The following PCDHA8 variants were observed in gnomAD, a reference collection of about 807,000 sequenced individuals.
The protein encoded by PCDHA8 is protocadherin alpha 8.
PCDHA8 carries 53 observed loss-of-function variants against 61.8 expected under a neutral mutation model. The observed-to-expected ratio is 0.86, with a 90% confidence interval of 0.69 to 1.08. PCDHA8 has a LOEUF of 1.08. Ranked by LOEUF, PCDHA8 falls within the 50% of genes least tolerant of loss-of-function variation. The pLI, the probability that PCDHA8 is intolerant of heterozygous loss-of-function variation, is 0.00. For missense variants in PCDHA8, 1,293 were observed against 1,245.0 expected (o/e 1.04, Z -0.58); for synonymous variants, 618 against 556.6 (o/e 1.11, Z -1.55).
rs911070094 is a variant in PCDHA8, at chr5:141,009,570, G to A, written c.2543-57G>A. On this transcript the variant is annotated intron_variant, in intron 3 of 3. Coordinates refer to ENST00000531613, the MANE Select transcript of PCDHA8 (RefSeq NM_018911.3). ...AGTACTCCTGTACTCTACCAGCAGT[G>A]TGGCATCAAGAGCATGTGTTGACCC... The A allele has an allele frequency of 1.9e-6, 3 of 1,577,968 alleles. No homozygotes were observed. In the Admixed American group the frequency reaches 5.2e-5, roughly 28 times the overall value.
At chr5:140,976,298 C>A (rs2096709941) in intron 1 of PCDHA8, among the ~76,000 whole-genome samples, 1 of 152,036 alleles carries the variant, frequency 6.6e-6, no homozygotes, top group African/African-American at 2.4e-5. Context: ...AGCCTGTAAT[C>A]CCAGCACTTT....
intron 1 of PCDHA8, among the ~76,000 whole-genome samples, chr5:140,933,012 A>G (rs1554209160): frequency 6.6e-6 from 1 of 152,008 alleles, no homozygotes; most frequent in Middle Eastern, 3.2e-3. Flanking sequence ...CGGAAATATT[A>G]ACACTTGGCA....
rs148598290 is a variant in PCDHA8, at chr5:140,857,464, C to G, written c.2394+13749C>G. 181 of 1,598,526 alleles carry G rather than the reference C, an allele frequency of 1.1e-4. 14 individuals carry two copies. Among genetic ancestry groups the G allele is most frequent in the Non-Finnish European group, 1.1e-4 (129 of 1,167,932 alleles). On this transcript the variant is annotated intron_variant, in intron 1 of 3. Transcript: ENST00000531613. ...AGGAGAACAACCCGCCAGGCTGCCA[C>G]ATCTTCACGGTGTCTGCGTGGGACG...
chr5:140,884,721 T>C, intron 1 of PCDHA8: 1 of 1,464,684 alleles, frequency 6.8e-7, no homozygotes, highest in South Asian at 1.5e-5. Flanking sequence ...TTGCAGTTGT[T>C]TGTTTAAGAC....
At chr5:140,858,274 G>C (rs376781836) in intron 1 of PCDHA8, 1 of 1,597,298 alleles carries the variant, frequency 6.3e-7, no homozygotes, top group African/African-American at 1.3e-5. Flanking sequence ...GCTCTAGCGC[G>C]GTGGGGAGCT....
intron 1 of PCDHA8, chr5:140,969,308 A>G (rs782412499): frequency 1.9e-6 from 3 of 1,614,196 alleles, no homozygotes; most frequent in Middle Eastern, 3.3e-4. Context: ...TATTCTCAAA[A>G]ATGAGGCTGT....
chr5:140,929,352 C>T (rs782815841), intron 1 of PCDHA8: 8 of 1,526,758 alleles, frequency 5.2e-6, no homozygotes, highest in Admixed American at 2.1e-5. Flanking sequence ...GAATTTGATT[C>T]CTTTGGCCCG....
At chr5:141,001,624 CG>C (rs1335079944) in intron 3 of PCDHA8, among the ~76,000 whole-genome samples, 1 of 151,678 alleles carries the variant, frequency 6.6e-6, no homozygotes, top group African/African-American at 2.4e-5. Context: ...AAAGGACTGG[CG>C]GGGGTTGGGG....
intron 1 of PCDHA8, chr5:140,869,887 C>A: frequency 1.9e-6 from 3 of 1,610,174 alleles, no homozygotes; most frequent in Non-Finnish European, 2.5e-6. Context: ...AACTCTTGTG[C>A]TCAAACTAAA....
At chr5:140,900,695 C>T (rs889860103) in intron 1 of PCDHA8, among the ~76,000 whole-genome samples, 4 of 152,170 alleles carry the variant, frequency 2.6e-5, no homozygotes, top group Non-Finnish European at 5.9e-5. Context: ...TACTGATTTC[C>T]GTTCTTTTGG....
Position 140,843,127 on chromosome 5 carries a change from C to G in PCDHA8, c.1806C>G (p.Gly602=), listed in dbSNP as rs2150353470. 3 of 1,595,942 alleles carry G rather than the reference C, an allele frequency of 1.9e-6. No individual in the cohort carries two copies. The South Asian group carries it at 3.3e-5, about 18-fold the overall frequency. Residue 602 remains glycine, a synonymous_variant, in exon 1 of 4, where the codon GGC becomes GGG. Transcript: ENST00000531613. The part of the protein sequence containing the change: ...AKVRAVDADS[G]YNAWLSYELQ... The stretch of plus-strand genomic sequence containing the variant: ...TGCGCGCAGTGGACGCCGACTCGGG[C>G]TACAACGCGTGGCTTTCGTATGAGC...
intron 1 of PCDHA8, chr5:140,856,534 A>G (rs782489948): frequency 6.3e-7 from 1 of 1,598,482 alleles, no homozygotes; most frequent in Non-Finnish European, 8.6e-7. Context: ...CGGATGTTGG[A>G]GAGAACGCAT....
At chr5:140,968,684 G>A in intron 1 of PCDHA8, 1 of 1,614,140 alleles carries the variant, frequency 6.2e-7, no homozygotes, top group Non-Finnish European at 8.5e-7. Flanking sequence ...GCTGCACACA[G>A]GAGAAATTAG....
rs202007975 is a variant in PCDHA8 at position 140,850,558 on chromosome 5, G to A, written c.2394+6843G>A. The A allele has an allele frequency of 5.2e-4, 834 of 1,598,326 alleles. 75 individuals carry two copies. The highest frequency in any genetic ancestry group is 6.1e-4 in the Non-Finnish European group (716 of 1,167,818). ...TCGCGGGCGTCAGTGGGTGCCACGGGCCCCGAGGTGACGCTGGTGGATGTC... is the reference window on the plus strand; with the variant it reads ...TCGCGGGCGTCAGTGGGTGCCACGGACCCCGAGGTGACGCTGGTGGATGTC... On this transcript the variant is annotated intron_variant, in intron 1 of 3. Transcript: ENST00000531613.
At chr5:140,896,599 A>G (rs1247154870) in intron 1 of PCDHA8, among the ~76,000 whole-genome samples, 1 of 151,478 alleles carries the variant, frequency 6.6e-6, no homozygotes, top group African/African-American at 2.4e-5. Context: ...CTGGTCTCGA[A>G]CTCCTGGTCT....
intron 1 of PCDHA8, among the ~76,000 whole-genome samples, chr5:140,965,905 G>A (rs76116187): frequency 0.016 from 2,504 of 152,338 alleles, 69 homozygotes; most frequent in African/African-American, 0.056. Context: ...TGGATCCCAG[G>A]ATGCTGGTTT....
intron 1 of PCDHA8, chr5:140,857,451 C>T (rs782451627): frequency 1.3e-6 from 2 of 1,598,488 alleles, no homozygotes; most frequent in Non-Finnish European, 1.7e-6. Flanking sequence ...GAGAACAACC[C>T]GCCAGGCTGC....
intron 1 of PCDHA8, chr5:140,968,553 G>A (rs782583876): frequency 4.3e-6 from 7 of 1,614,132 alleles, no homozygotes; most frequent in South Asian, 2.2e-5. Context: ...ATGGTGCCTC[G>A]AACTGCCCCT....
At chr5:140,915,841 G>A (rs1315300132) in intron 1 of PCDHA8, among the ~76,000 whole-genome samples, 1 of 152,098 alleles carries the variant, frequency 6.6e-6, no homozygotes, top group African/African-American at 2.4e-5. Context: ...GATCAGCAGG[G>A]GGTGACACCA....
Sources: gnomAD v4.1 joint callset for allele counts (sites outside exome capture counted in the v4.1 genomes callset) on GRCh38, gnomAD v4.1.1 for gene constraint, MANE v1.5 for transcripts, NCBI Gene and HGNC (gene_info 2026-07-23, HGNC 2026-07-21) for gene names.